The following ABHD16A variants were observed in gnomAD, a reference collection of about 807,000 sequenced individuals.
ABHD16A encodes phosphatidylserine lipase ABHD16A.
In ABHD16A, 47 loss-of-function variants were observed where a neutral mutation model predicts 89.8. That is an observed-to-expected ratio of 0.52 (90% CI 0.41 to 0.67). The LOEUF (loss-of-function observed/expected upper bound fraction) is 0.67, where lower values mean the gene tolerates loss of function less well. Ranked by LOEUF, ABHD16A falls within the 30% of genes least tolerant of loss-of-function variation. ABHD16A has a pLI of 0.00. For synonymous variants in ABHD16A, 251 were observed against 280.4 expected (o/e 0.90, Z 1.05); for missense variants, 580 against 734.6 (o/e 0.79, Z 2.43).
Position 31,687,526 on chromosome 6 carries a change from T to C in ABHD16A, c.1565A>G (p.Asp522Gly), listed in dbSNP as rs1401792327. 3 of 1,613,046 alleles carry C rather than the reference T, an allele frequency of 1.9e-6. No homozygotes were observed. Among genetic ancestry groups the C allele is most frequent in the African/African-American group, 1.3e-5 (1 of 75,008 alleles). Reference sequence around the variant, plus strand: ...AAACAAAGCCAGCTGCCGCCGTCCATCTGCACTCATGTCCTCCCCTGCAGA... The same window carrying C: ...AAACAAAGCCAGCTGCCGCCGTCCACCTGCACTCATGTCCTCCCCTGCAGA... ...PWSVGEDMSA[D>G]GRRQLALFLA... The change falls in exon 19 of 20, where the codon GAT (aspartate) becomes GGT (glycine). Residue 522 changes from aspartate (D) to glycine (G), a missense_variant. Physicochemically the swap from Asp to Gly is moderately conservative, Grantham distance 94 (BLOSUM62 -1). Transcript: ENST00000395952. This position sits in a 1 kb window ranked among gnomAD's most constrained non-coding sequence, Gnocchi z 6.3.
intron 7 of ABHD16A, 42 bp downstream of exon 7, chr6:31,692,985 C>A: frequency 6.2e-7 from 1 of 1,614,106 alleles, no homozygotes; most frequent in Non-Finnish European, 8.5e-7. Flanking sequence ...CCTGAAATGG[C>A]CCCTCCACCC....
chr6:31,694,057 C>CT (rs35205600), intron 5 of ABHD16A, among the ~76,000 whole-genome samples: 7,268 of 142,720 alleles, frequency 0.051, 359 homozygotes, highest in African/African-American at 0.12. Flanking sequence ...GTCCACATGC[C>CT]TTTTTTTTTT....
chr6:31,699,642 G>A (rs1009560166), intron 4 of ABHD16A, among the ~76,000 whole-genome samples: 1 of 152,004 alleles, frequency 6.6e-6, no homozygotes, highest in Non-Finnish European at 1.5e-5. Context: ...GTGCTATCTT[G>A]GCTCACTGCA....
intron 1 of ABHD16A, 104 bp downstream of exon 1, chr6:31,703,045 CA>C (rs1339434690): frequency 7.3e-7 from 1 of 1,368,742 alleles, no homozygotes; most frequent in African/African-American, 1.5e-5. Flanking sequence ...ACTGGCTTGA[CA>C]AGCAGGCTCC....
rs1232082623 is a variant in ABHD16A at position 31,698,421 on chromosome 6, C to T, written c.344-1388G>A. Among the ~76,000 whole-genome samples, 6 of 151,784 alleles carry T rather than the reference C, an allele frequency of 4.0e-5. No individual in the cohort carries two copies. Among genetic ancestry groups the T allele is most frequent in the Non-Finnish European group, 5.9e-5 (4 of 67,958 alleles). Reference sequence around the variant, plus strand: ...AAAACTATATATAAAAAAAAAATCACAAAACTATACATCAAAAAATTTAAA... The same window carrying T: ...AAAACTATATATAAAAAAAAAATCATAAAACTATACATCAAAAAATTTAAA... On this transcript the variant is annotated intron_variant, in intron 4 of 19. Coordinates refer to ENST00000395952, the MANE Select transcript of ABHD16A (RefSeq NM_021160.3). The surrounding 1 kb of genome is among the most constrained non-coding windows in gnomAD (Gnocchi z 4.1).
intron 7 of ABHD16A, 98 bp downstream of exon 7, chr6:31,692,929 A>G (rs1238200254): frequency 1.9e-5 from 29 of 1,527,138 alleles, no homozygotes; most frequent in Non-Finnish European, 2.5e-5. Context: ...ACTAGGCCCA[A>G]TGAGTGACAG....
Position 31,687,776 on chromosome 6 carries a change from C to T in ABHD16A, c.1448-36G>A, listed in dbSNP as rs765016889. ...AGAGAGATGACAGCCAGTCAGCAACCTGACCTTGCTGGGCCCCCGCCCCAA... is the reference window on the plus strand; with the variant it reads ...AGAGAGATGACAGCCAGTCAGCAACTTGACCTTGCTGGGCCCCCGCCCCAA... On this transcript the variant is annotated intron_variant, in intron 17 of 19. Coordinates refer to ENST00000395952, the MANE Select transcript of ABHD16A (RefSeq NM_021160.3). This position sits in a 1 kb window ranked among gnomAD's most constrained non-coding sequence, Gnocchi z 6.3. 1.9e-6 allele frequency: 3 copies of T among 1,612,796 alleles called. No homozygotes were observed.
rs1367202088 is a variant in ABHD16A at position 31,693,519 on chromosome 6, G to A, written c.430-87C>T. On this transcript the variant is annotated intron_variant, in intron 5 of 19. Coordinates refer to ENST00000395952, the MANE Select transcript of ABHD16A (RefSeq NM_021160.3). The surrounding 1 kb of genome is among the most constrained non-coding windows in gnomAD (Gnocchi z 5.0). ...CTCAACAACACCTTCGTTATCCAGG[G>A]GTCTGATCCCCACACATCATGGGGA... 1 of 1,285,586 alleles carries A rather than the reference G, an allele frequency of 7.8e-7. No individual in the cohort carries two copies. Among genetic ancestry groups the A allele is most frequent in the Non-Finnish European group, 1.1e-6 (1 of 900,232 alleles). The allele number at this position is 1,285,586 out of a possible 1,614,324, so 79.6% of individuals were successfully genotyped here. A position where few individuals can be genotyped will look rare whatever the true frequency, so the allele number is the denominator to read the frequency against.
intron 2 of ABHD16A, among the ~76,000 whole-genome samples, chr6:31,701,708 C>T (rs114851676): frequency 7.4e-4 from 112 of 152,282 alleles, no homozygotes; most frequent in African/African-American, 2.5e-3. Context: ...CCAAGAGATG[C>T]GCAAACGTCA....
Position 31,687,575 on chromosome 6 carries a change from C to T in ABHD16A, c.1547-31G>A, listed in dbSNP as rs775831073. On this transcript the variant is annotated intron_variant, in intron 18 of 19. Transcript: ENST00000395952. The surrounding 1 kb of genome is among the most constrained non-coding windows in gnomAD (Gnocchi z 6.3). ...GAGAGGAGGCGCTCAAAATAGGCCA[C>T]ACATCTGGGTATTCATCCCCTTCCT... 7 of 1,612,948 alleles carry T rather than the reference C, an allele frequency of 4.3e-6. No homozygotes were observed. Among genetic ancestry groups the T allele is most frequent in the East Asian group, 4.5e-5 (2 of 44,898 alleles).
At chr6:31,691,062 C>G (rs1803828910) in intron 9 of ABHD16A, among the ~76,000 whole-genome samples, 1 of 152,150 alleles carries the variant, frequency 6.6e-6, no homozygotes, top group South Asian at 2.1e-4. Context: ...ACTCTCATAA[C>G]AGATGGGCAG....
intron 8 of ABHD16A, 49 bp downstream of exon 8, chr6:31,691,755 G>T: frequency 6.5e-7 from 1 of 1,546,564 alleles, no homozygotes; most frequent in East Asian, 2.3e-5. Context: ...GGGGTGGGTG[G>T]GGGTGAGAGG....
chr6:31,695,205 A>G (rs1224460705), intron 5 of ABHD16A, among the ~76,000 whole-genome samples: 1 of 152,128 alleles, frequency 6.6e-6, no homozygotes, highest in Admixed American at 6.6e-5. Flanking sequence ...GCCCATCCTC[A>G]AAGATAATCA....
At chr6:31,701,216 G>A in intron 3 of ABHD16A, 58 bp downstream of exon 3, 1 of 1,529,490 alleles carries the variant, frequency 6.5e-7, no homozygotes, top group Non-Finnish European at 9.1e-7. Context: ...TAGGGAGCTG[G>A]CTCATCTGCC....
In ABHD16A at chr6:31,691,585, C is replaced by T. The variant is rs1160615697; in HGVS notation, c.837G>A (p.Gln279=). 6.2e-7 allele frequency: 1 copy of T among 1,612,888 alleles called. No individual in the cohort carries two copies. The highest frequency in any genetic ancestry group is 1.3e-5 in the African/African-American group (1 of 74,918). ...DRRGTAEPQG[Q]KLVICCEGNA... is the part of the protein sequence containing the mutation. ...GCTCTCTGCTCCCTCTTACCAGCTT[C>T]TGTCCCTGGGGCTCAGCTGTCCCCC... The change falls in exon 9 of 20, where the codon CAG becomes CAA. Residue 279 remains glutamine, a synonymous_variant. Transcript: ENST00000395952.
chr6:31,703,076 C>A, intron 1 of ABHD16A, 74 bp downstream of exon 1: 2 of 1,370,920 alleles, frequency 1.5e-6, no homozygotes, highest in Non-Finnish European at 1.9e-6. Context: ...CCATTATGGG[C>A]ACTTCTGGGG....
At position 31,687,333 on chromosome 6, in the gene ABHD16A, C is replaced by T. The variant is rs1230951976; in HGVS notation, c.1594-38G>A. ...GGTGGGACAGGTGGGGTACAGAGCA[C>T]TGTTGGGAGGGGCAGCCACTGGACT... On this transcript the variant is annotated intron_variant, in intron 19 of 19. Transcript: ENST00000395952. This position sits in a 1 kb window ranked among gnomAD's most constrained non-coding sequence, Gnocchi z 6.3. 3.7e-6 allele frequency: 6 copies of T among 1,608,322 alleles called. No individual in the cohort carries two copies. Among genetic ancestry groups the T allele is most frequent in the Admixed American group, 1.7e-5 (1 of 59,918 alleles).
intron 5 of ABHD16A, among the ~76,000 whole-genome samples, chr6:31,694,351 C>T (rs1804186416): frequency 6.6e-6 from 1 of 151,200 alleles, no homozygotes; most frequent in Non-Finnish European, 1.5e-5. Context: ...ACCACCTCAC[C>T]AGCTCCACGT....
chr6:31,697,829 C>T (rs577125406), intron 4 of ABHD16A, among the ~76,000 whole-genome samples: 1 of 152,224 alleles, frequency 6.6e-6, no homozygotes, highest in South Asian at 2.1e-4. Context: ...AGACAGGCAC[C>T]GTACTACACA....
Sources: gnomAD v4.1 joint callset for allele counts (sites outside exome capture counted in the v4.1 genomes callset) on GRCh38, gnomAD v4.1.1 for gene constraint, Gnocchi (gnomAD v3.1) non-coding constraint, MANE v1.5 for transcripts, NCBI Gene and HGNC (gene_info 2026-07-23, HGNC 2026-07-21) for gene names.